The following JMJD1C variants were observed in gnomAD, a reference collection of about 807,000 sequenced individuals.
JMJD1C encodes the protein jumonji domain containing 1C, also known as jumonji domain-containing protein 1C.
Under a neutral mutation model 245.3 loss-of-function variants are expected in JMJD1C, and 31 were observed. The observed-to-expected ratio is 0.13, with a 90% CI of 0.09 to 0.17. The LOEUF is 0.17. Ranked by LOEUF, JMJD1C falls within the 10% of genes least tolerant of loss-of-function variation. The pLI is 1.00. For missense variants in JMJD1C, 2,691 were observed against 3,000.2 expected, an observed-to-expected ratio of 0.90 and a Z score of 2.41; for synonymous variants, 1,057 against 1,017.4, an observed-to-expected ratio of 1.04 and a Z score of -0.74.
intron 2 of JMJD1C, among the ~76,000 whole-genome samples, chr10:63,328,910 T>G (rs1174415865): frequency 6.6e-6 from 1 of 152,228 alleles, no homozygotes; most frequent in Non-Finnish European, 1.5e-5. Context: ...GATCTAGGAT[T>G]ACACTATCAT....
At chr10:63,178,525 A>C (rs1843078454) in intron 22 of JMJD1C, among the ~76,000 whole-genome samples, 1 of 152,202 alleles carries the variant, frequency 6.6e-6, no homozygotes, top group African/African-American at 2.4e-5. Flanking sequence ...TACTTACTTA[A>C]GAATAAGGGA....
At chr10:63,176,549 T>C in intron 23 of JMJD1C, 76 bp from the exon 24 acceptor site, 1 of 1,076,950 alleles carries the variant, frequency 9.3e-7, no homozygotes, top group Non-Finnish European at 1.4e-6. Flanking sequence ...ATTTCAATTT[T>C]ATTTGTAATA....
At chr10:63,266,841 G>A (rs562908203) in intron 2 of JMJD1C, among the ~76,000 whole-genome samples, 51 of 152,258 alleles carry the variant, frequency 3.3e-4, no homozygotes, top group African/African-American at 1.2e-3. Context: ...CATTTCCTAT[G>A]AGACCTAGTC....
intron 1 of JMJD1C, among the ~76,000 whole-genome samples, chr10:63,434,283 A>C (rs544943116): frequency 6.6e-6 from 1 of 152,330 alleles, no homozygotes; most frequent in African/African-American, 2.4e-5. Context: ...ACCTGGAAAA[A>C]CAGATGAAAC....
chr10:63,452,070 CAAAAT>C (rs1952104658), intron 1 of JMJD1C, among the ~76,000 whole-genome samples: 1 of 152,038 alleles, frequency 6.6e-6, no homozygotes, highest in Non-Finnish European at 1.5e-5. Flanking sequence ...GCACCAACAA[CAAAAT>C]AAAAGATGGA....
intron 2 of JMJD1C, among the ~76,000 whole-genome samples, chr10:63,330,692 G>A (rs539616309): frequency 6.6e-6 from 1 of 152,064 alleles, no homozygotes; most frequent in East Asian, 1.9e-4. Context: ...TTGTTCTGAA[G>A]ATACTTCTAC....
At position 63,200,697 on chromosome 10, in the gene JMJD1C, G is replaced by GA; in HGVS notation, c.5075-21_5075-20insT. 2 of 1,605,558 alleles carry GA rather than the reference G, an allele frequency of 1.2e-6. No individual in the cohort carries two copies. Among genetic ancestry groups the GA allele is most frequent in the Non-Finnish European group, 1.7e-6 (2 of 1,172,764 alleles). On this transcript the variant is annotated intron_variant, in intron 10 of 25. Transcript: ENST00000399262. ...TGCCAGCTGTAAAATCAGTAGGAAA[G>GA]TTTTAGCAAGATTATGCTTTGTAAA... is the stretch of plus-strand genomic sequence containing the variant.
intron 2 of JMJD1C, among the ~76,000 whole-genome samples, chr10:63,282,777 C>T (rs1293831240): frequency 5.3e-5 from 8 of 152,120 alleles, no homozygotes; most frequent in Non-Finnish European, 1.2e-4. Context: ...AGTGCAGTGG[C>T]GCGATCTCGG....
intron 1 of JMJD1C, among the ~76,000 whole-genome samples, chr10:63,387,380 A>C (rs967758125): frequency 6.6e-6 from 1 of 152,146 alleles, no homozygotes; most frequent in African/African-American, 2.4e-5. Context: ...ATTGATACTA[A>C]AGTATTCTGT....
intron 1 of JMJD1C, among the ~76,000 whole-genome samples, chr10:63,405,195 T>A (rs1411818358): frequency 6.6e-6 from 1 of 152,198 alleles, no homozygotes; most frequent in Admixed American, 6.5e-5. Flanking sequence ...AAAGTAGGTA[T>A]TAAATATGTT....
At chr10:63,350,524 T>C (rs905867471) in intron 2 of JMJD1C, among the ~76,000 whole-genome samples, 2 of 152,226 alleles carry the variant, frequency 1.3e-5, no homozygotes, top group African/African-American at 4.8e-5. Flanking sequence ...GTTGGTATTA[T>C]TGTTTTCTCC....
At chr10:63,320,937 C>T (rs1308981447) in intron 2 of JMJD1C, among the ~76,000 whole-genome samples, 1 of 152,186 alleles carries the variant, frequency 6.6e-6, no homozygotes, top group African/African-American at 2.4e-5. Flanking sequence ...AGCCCCACCC[C>T]AGACCTCCAG....
intron 1 of JMJD1C, among the ~76,000 whole-genome samples, chr10:63,397,811 C>T (rs904412955): frequency 6.6e-6 from 1 of 152,164 alleles, no homozygotes; most frequent in Non-Finnish European, 1.5e-5. Context: ...TGGGATTATA[C>T]AGGCATGAAC....
chr10:63,220,618 C>T (rs1161409079), intron 3 of JMJD1C, among the ~76,000 whole-genome samples: 1 of 152,208 alleles, frequency 6.6e-6, no homozygotes, highest in Non-Finnish European at 1.5e-5. Context: ...CCAATTCTCT[C>T]TCATTGGAGA....
At chr10:63,447,303 T>C (rs192947604) in intron 1 of JMJD1C, among the ~76,000 whole-genome samples, 1 of 152,304 alleles carries the variant, frequency 6.6e-6, no homozygotes, top group Admixed American at 6.5e-5. Context: ...CCACATTATT[T>C]CTACAAAGCT....
At chr10:63,520,326 A>G (rs1223181694) in intron 1 of JMJD1C, among the ~76,000 whole-genome samples, 1 of 152,192 alleles carries the variant, frequency 6.6e-6, no homozygotes, top group East Asian at 1.9e-4. Flanking sequence ...AGACAAAATT[A>G]CAGTATGGTC....
intron 1 of JMJD1C, among the ~76,000 whole-genome samples, chr10:63,448,798 C>T (rs911054094): frequency 1.3e-5 from 2 of 152,112 alleles, no homozygotes; most frequent in Admixed American, 6.5e-5. Flanking sequence ...GAATAGATAA[C>T]AGCATTTTGA....
intron 2 of JMJD1C, among the ~76,000 whole-genome samples, chr10:63,315,402 G>A (rs1939855811): frequency 6.6e-6 from 1 of 151,940 alleles, no homozygotes; most frequent in Non-Finnish European, 1.5e-5. Flanking sequence ...ATTTGTTTAG[G>A]GTAACTTTTC....
intron 1 of JMJD1C, among the ~76,000 whole-genome samples, chr10:63,453,383 C>G (rs1779000944): frequency 1.3e-5 from 2 of 152,190 alleles, no homozygotes; most frequent in Non-Finnish European, 1.5e-5. Flanking sequence ...GAGTAATGAA[C>G]AGATTTGCTT....
Sources: gnomAD v4.1 joint callset for allele counts (sites outside exome capture counted in the v4.1 genomes callset) on GRCh38, gnomAD v4.1.1 for gene constraint, MANE v1.5 for transcripts, NCBI Gene and HGNC (gene_info 2026-07-23, HGNC 2026-07-21) for gene names.